The following PLCH2 variants were observed in gnomAD, a reference collection of about 807,000 sequenced individuals.
PLCH2 encodes phospholipase C eta 2.
In PLCH2, 98 loss-of-function variants were observed where a neutral mutation model predicts 134.7. That is an observed-to-expected ratio of 0.73 (90% CI 0.62 to 0.86). The LOEUF (loss-of-function observed/expected upper bound fraction) is 0.86, where lower values mean the gene tolerates loss of function less well. PLCH2 is among the 40% of genes least tolerant of loss of function. The pLI is 0.00. For synonymous variants in PLCH2, 974 were observed against 827.5 expected (o/e 1.18, Z -3.04); for missense variants, 1,994 against 1,986.6 (o/e 1.00, Z -0.07).
chr1:2,503,308 A>C, intron 21 of PLCH2: 1 of 568,466 alleles, frequency 1.8e-6, no homozygotes, highest in South Asian at 2.0e-5. Flanking sequence ...GGGGCCACGT[A>C]CCATCCCATT....
At chr1:2,478,341 G>A in intron 1 of PLCH2, 135 bp from the exon 2 acceptor site, 1 of 1,086,708 alleles carries the variant, frequency 9.2e-7, no homozygotes, top group South Asian at 1.5e-5. Context: ...GGCCGGGCGA[G>A]GTGAGGAGTG....
chr1:2,470,547 G>A (rs1039552200), intron 1 of PLCH2, among the ~76,000 whole-genome samples: 44 of 152,194 alleles, frequency 2.9e-4, no homozygotes, highest in African/African-American at 6.8e-4. Flanking sequence ...TGCTCTGGCC[G>A]GGAAGAGCAG....
intron 4 of PLCH2, among the ~76,000 whole-genome samples, chr1:2,482,382 G>T (rs1326674434): frequency 6.6e-6 from 1 of 152,210 alleles, no homozygotes; most frequent in East Asian, 1.9e-4. Flanking sequence ...CCTTTGAGCT[G>T]CAGTGTGTCC....
intron 2 of PLCH2, among the ~76,000 whole-genome samples, chr1:2,460,784 C>T (rs1640771445): frequency 1.3e-5 from 2 of 152,110 alleles, no homozygotes; most frequent in African/African-American, 4.8e-5. Context: ...CAGGGGCTGA[C>T]CTGAGCTCAG....
At chr1:2,420,451 T>G in the PLCH2 span, among the ~76,000 whole-genome samples, 1 of 151,792 alleles carries the variant, frequency 6.6e-6, no homozygotes, top group East Asian at 1.9e-4. Flanking sequence ...GGATCCACAG[T>G]GGGATGCGGG....
At position 2,448,382 on chromosome 1, in the gene PLCH2, G is replaced by C. The variant is rs1222779087; in HGVS notation, c.115+17753G>C. 1.3e-5 allele frequency among the ~76,000 whole-genome samples: 2 copies of C among 152,264 alleles called. No homozygotes were observed. The highest frequency in any genetic ancestry group is 4.8e-5 in the African/African-American group (2 of 41,558). On this transcript the variant is annotated intron_variant, in intron 2 of 3. Transcript: ENST00000609981. This position sits in a 1 kb window ranked among gnomAD's most constrained non-coding sequence, Gnocchi z 4.0. ...GCTTCTGGTGGCTCTGGCGTCCCTTGGGTTGTGGCCGCCTCCTGCTTCTGC... is the reference window on the plus strand; with the variant it reads ...GCTTCTGGTGGCTCTGGCGTCCCTTCGGTTGTGGCCGCCTCCTGCTTCTGC...
intron 12 of PLCH2, among the ~76,000 whole-genome samples, 197 bp from the exon 13 acceptor site, chr1:2,495,291 G>A (rs901978088): frequency 6.6e-6 from 1 of 152,222 alleles, no homozygotes; most frequent in Non-Finnish European, 1.5e-5. Flanking sequence ...CCTTGTGGCT[G>A]CCCTGAGAGT....
At chr1:2,468,252 C>T (rs913688557) in intron 1 of PLCH2, among the ~76,000 whole-genome samples, 4 of 152,274 alleles carry the variant, frequency 2.6e-5, no homozygotes, top group Non-Finnish European at 2.9e-5. Context: ...AGTTGCTGTG[C>T]GTCCTCAGGG....
At chr1:2,474,099 G>A (rs1641484432), upstream of PLCH2, among the ~76,000 whole-genome samples, 1 of 151,926 alleles carries the variant, frequency 6.6e-6, no homozygotes, top group East Asian at 1.9e-4. Context: ...TGAGCATGAG[G>A]GCCCGTCAGT....
In PLCH2 at chr1:2,497,525, G is replaced by A; in HGVS notation, c.2140G>A (p.Gly714Arg). ...QMVALNYQSE[G>R]RMLQLNRAKF... ...AGTTGCCCTGAACTACCAGTCAGAG[G>A]GGCGGATGCTGCAGCTGAACCGAGC... is the stretch of plus-strand genomic sequence containing the variant. The change falls in exon 16 of 22, where the codon GGG becomes AGG. Residue 714 changes from glycine to arginine, a missense_variant. Gly to Arg is a moderately radical substitution (Grantham distance 125, BLOSUM62 -2). This residue lies in a region of PLCH2 where 1,094 missense variants were observed against 1,234.3 expected (regional missense o/e 0.89). Transcript: ENST00000378486. 1 of 1,557,964 alleles carries A rather than the reference G, an allele frequency of 6.4e-7. No individual in the cohort carries two copies. Among genetic ancestry groups the A allele is most frequent in the Non-Finnish European group, 8.7e-7 (1 of 1,151,310 alleles).
chr1:2,427,877 C>T (rs1638877620), intron 1 of PLCH2, among the ~76,000 whole-genome samples: 1 of 152,144 alleles, frequency 6.6e-6, no homozygotes, highest in Non-Finnish European at 1.5e-5. Context: ...GGTACCTGGG[C>T]TCTCCCTGTG....
At chr1:2,492,887 T>C (rs1328601281) in intron 11 of PLCH2, among the ~76,000 whole-genome samples, 3 of 151,856 alleles carry the variant, frequency 2.0e-5, no homozygotes, top group Non-Finnish European at 2.9e-5. Flanking sequence ...CAGGAATGGG[T>C]ATCTTGGGGA....
intron 21 of PLCH2, chr1:2,503,690 G>A (rs901841908): frequency 7.6e-6 from 5 of 654,826 alleles, no homozygotes; most frequent in Non-Finnish European, 1.4e-5. Flanking sequence ...AGCCCAAGGA[G>A]GGCCCCGTGT....
At chr1:2,430,562 G>A (rs79979005) in exon 2 of PLCH2, 6,522 of 152,248 alleles carry the variant, frequency 0.043, 206 homozygotes, top group Admixed American at 0.088. Flanking sequence ...CAGCTCTTCC[G>A]CCTGAGGACC....
At position 2,479,898 on chromosome 1, in the gene PLCH2, T is replaced by C; in HGVS notation, c.436T>C (p.Trp146Arg). Residue 146 changes from tryptophan to arginine, a missense_variant, in exon 3 of 22, where the codon TGG becomes CGG. Around this residue, in one of 2 missense-constraint regions of PLCH2, gnomAD observed 1,094 missense variants for 1,234.3 expected, o/e 0.89. Transcript: ENST00000378486. ...VSTSSEVARTWVTGLRYLMAG... is the reference protein window; with the variant it reads ...VSTSSEVARTRVTGLRYLMAG... ...CACCAGCAGCGAGGTGGCGCGCACC[T>C]GGGTCACTGGCCTGCGCTACCTCAT... is the stretch of plus-strand genomic sequence containing the variant. 6.2e-7 allele frequency: 1 copy of C among 1,611,894 alleles called. No homozygotes were observed. Among genetic ancestry groups the C allele is most frequent in the Non-Finnish European group, 8.5e-7 (1 of 1,179,544 alleles).
intron 5 of PLCH2, among the ~76,000 whole-genome samples, chr1:2,485,281 A>G (rs567976879): frequency 2.6e-5 from 4 of 152,310 alleles, no homozygotes; most frequent in South Asian, 2.1e-4. Context: ...GCCATCTTGT[A>G]TCAGGCCTGG....
At chr1:2,421,025 A>G (rs769242250), upstream of PLCH2, among the ~76,000 whole-genome samples, 6 of 149,820 alleles carry the variant, frequency 4.0e-5, no homozygotes, top group Non-Finnish European at 8.9e-5. Flanking sequence ...GCTCACTGCA[A>G]CCTCTGCTTC....
At chr1:2,418,129 A>T in the PLCH2 span, among the ~76,000 whole-genome samples, 3 of 152,046 alleles carry the variant, frequency 2.0e-5, no homozygotes, top group African/African-American at 7.2e-5. Flanking sequence ...CGAGGCAGAC[A>T]CCCATCACGG....
intron 4 of PLCH2, among the ~76,000 whole-genome samples, chr1:2,480,542 G>A (rs1641905853): frequency 3.9e-5 from 6 of 152,208 alleles, no homozygotes; most frequent in African/African-American, 2.4e-5. Flanking sequence ...CAGCTGGGCC[G>A]GGGGCTGCTC....
Sources: gnomAD v4.1 joint callset for allele counts (sites outside exome capture counted in the v4.1 genomes callset) on GRCh38, gnomAD v4.1.1 for gene constraint, gnomAD v4.1.1 regional missense constraint, Gnocchi (gnomAD v3.1) non-coding constraint, MANE v1.5 for transcripts, NCBI Gene and HGNC (gene_info 2026-07-23, HGNC 2026-07-21) for gene names.